SPMAP2: variants seen among roughly 807,000 people sequenced by gnomAD.
SPMAP2 encodes the protein Theg homolog.
At chr19:375,005 G>T in the SPMAP2 span, among the ~76,000 whole-genome samples, 1 of 152,246 alleles carries the variant, frequency 6.6e-6, no homozygotes, top group African/African-American at 2.4e-5. Flanking sequence ...GGGCAGGGCA[G>T]CCACTTTGTT....
chr19:365,578 A>C, the SPMAP2 span, among the ~76,000 whole-genome samples: 2 of 80,698 alleles, frequency 2.5e-5, no homozygotes, highest in East Asian at 2.9e-4. Context: ...CCCCCACCAC[A>C]CAGCAAGTGT....
the SPMAP2 span, chr19:372,542 C>A: frequency 7.2e-7 from 1 of 1,395,228 alleles, no homozygotes. Flanking sequence ...GACCTGGACC[C>A]TTTCCCACAC....
the SPMAP2 span, among the ~76,000 whole-genome samples, chr19:368,106 T>G: frequency 6.6e-6 from 1 of 151,918 alleles, no homozygotes; most frequent in Non-Finnish European, 1.5e-5. The surrounding 1 kb of genome is among the most constrained non-coding windows in gnomAD (Gnocchi z 4.1). Flanking sequence ...TGGCAGCCCT[T>G]TGGGGGGTCG....
At chr19:362,765 TAAAA>T in the SPMAP2 span, among the ~76,000 whole-genome samples, 7,544 of 57,016 alleles carry the variant, frequency 0.13, 526 homozygotes, top group African/African-American at 0.27. Flanking sequence ...GACTCCATCT[TAAAA>T]AAAAAAAAAA....
chr19:374,634 C>T, the SPMAP2 span: 11 of 602,886 alleles, frequency 1.8e-5, no homozygotes, highest in South Asian at 4.2e-5. Context: ...ATGGAAGACC[C>T]GTCCAGGTCA....
chr19:365,438 C>T, the SPMAP2 span, among the ~76,000 whole-genome samples: 3 of 152,178 alleles, frequency 2.0e-5, no homozygotes, highest in South Asian at 4.1e-4. Context: ...CCAGCACTCC[C>T]GAGCAGCAGC....
chr19:363,599 C>T, the SPMAP2 span, among the ~76,000 whole-genome samples: 2 of 151,566 alleles, frequency 1.3e-5, no homozygotes, highest in Non-Finnish European at 2.9e-5. Context: ...AGTAGCATGA[C>T]CTTGACTCGC....
the SPMAP2 span, among the ~76,000 whole-genome samples, chr19:368,500 C>A: frequency 2.0e-5 from 3 of 152,120 alleles, no homozygotes; most frequent in African/African-American, 7.2e-5. This position sits in a 1 kb window ranked among gnomAD's most constrained non-coding sequence, Gnocchi z 4.1. Context: ...GGAAGGAGGG[C>A]AGCTGCTGAA....
chr19:363,344 C>T, the SPMAP2 span, among the ~76,000 whole-genome samples: 4 of 151,818 alleles, frequency 2.6e-5, no homozygotes, highest in South Asian at 8.3e-4. Flanking sequence ...AGACGTGCAC[C>T]ACCACAGCCA....
At chr19:363,472 C>A in the SPMAP2 span, among the ~76,000 whole-genome samples, 1 of 151,092 alleles carries the variant, frequency 6.6e-6, no homozygotes, top group African/African-American at 2.4e-5. Context: ...GCATTACAGG[C>A]GTGAGCCACT....
At chr19:367,508 G>C in the SPMAP2 span, among the ~76,000 whole-genome samples, 4 of 152,144 alleles carry the variant, frequency 2.6e-5, no homozygotes, top group Non-Finnish European at 5.9e-5. Context: ...ACAATTGTTG[G>C]CAAATGTAAA....
chr19:368,763 A>G, the SPMAP2 span, among the ~76,000 whole-genome samples: 1 of 152,176 alleles, frequency 6.6e-6, no homozygotes, highest in East Asian at 1.9e-4. The surrounding 1 kb of genome is among the most constrained non-coding windows in gnomAD (Gnocchi z 4.1). Context: ...GGTGTTTACA[A>G]TGGAAGCTCC....
the SPMAP2 span, among the ~76,000 whole-genome samples, chr19:363,190 ATTTG>A: frequency 2.6e-5 from 4 of 152,098 alleles, no homozygotes; most frequent in African/African-American, 4.8e-5. Flanking sequence ...TTTTATTTTT[ATTTG>A]TTTATTTATT....
At chr19:363,292 A>G in the SPMAP2 span, among the ~76,000 whole-genome samples, 1 of 151,806 alleles carries the variant, frequency 6.6e-6, no homozygotes, top group East Asian at 1.9e-4. Flanking sequence ...TCCCAGGTTC[A>G]AGCAATTCTC....
the SPMAP2 span, among the ~76,000 whole-genome samples, chr19:364,050 T>C: frequency 6.6e-6 from 1 of 151,630 alleles, no homozygotes; most frequent in Non-Finnish European, 1.5e-5. Flanking sequence ...AAAAAATATT[T>C]CGGTTGGGCG....
At chr19:367,180 C>T in the SPMAP2 span, 32 of 1,607,450 alleles carry the variant, frequency 2.0e-5, no homozygotes, top group South Asian at 1.0e-4. Flanking sequence ...GGAGGATCCG[C>T]GAGCTGGGGA....
chr19:365,537 G>GCA, the SPMAP2 span, among the ~76,000 whole-genome samples: 1 of 69,680 alleles, frequency 1.4e-5, no homozygotes, highest in Non-Finnish European at 3.7e-5. Context: ...GCAAGTGTGA[G>GCA]CACACACACA....
chr19:375,855 C>T, the SPMAP2 span: 1,759 of 1,599,364 alleles, frequency 1.1e-3, 18 homozygotes, highest in African/African-American at 0.02. Context: ...GACCCGCCGG[C>T]TCTCGTACAC....
At chr19:370,889 T>TTGCCGG in the SPMAP2 span, among the ~76,000 whole-genome samples, 1 of 152,116 alleles carries the variant, frequency 6.6e-6, no homozygotes, top group African/African-American at 2.4e-5. Flanking sequence ...AGGTCAGTGG[T>TTGCCGG]TGCCGGTGGC....
Sources: gnomAD v4.1 joint callset for allele counts (sites outside exome capture counted in the v4.1 genomes callset) on GRCh38, gnomAD v4.1.1 for gene constraint, Gnocchi (gnomAD v3.1) non-coding constraint, MANE v1.5 for transcripts, NCBI Gene and HGNC (gene_info 2026-07-23, HGNC 2026-07-21) for gene names.